Variants in MKLN1 observed in about 807,000 individuals in gnomAD.
MKLN1 encodes the protein muskelin 1.
MKLN1 carries 18 observed loss-of-function variants against 99.0 expected under a neutral mutation model. That is an observed-to-expected ratio of 0.18 (90% CI 0.13 to 0.27). The LOEUF (loss-of-function observed/expected upper bound fraction) is 0.27, where lower values mean the gene tolerates loss of function less well. Ranked by LOEUF, MKLN1 falls within the 10% of genes least tolerant of loss-of-function variation. The pLI, the probability that MKLN1 is intolerant of heterozygous loss-of-function variation, is 1.00. For missense variants in MKLN1, 621 were observed against 875.9 expected (o/e 0.71, Z 3.67); for synonymous variants, 288 against 293.2 (o/e 0.98, Z 0.18).
chr7:131,468,172 A>G (rs748322817), intron 15 of MKLN1, among the ~76,000 whole-genome samples: 1 of 152,222 alleles, frequency 6.6e-6, no homozygotes, highest in African/African-American at 2.4e-5. Flanking sequence ...GATGGATTTG[A>G]TATGGGTATG....
At chr7:131,387,367 G>GC in intron 3 of MKLN1, 105 bp downstream of exon 3, 1 of 1,073,758 alleles carries the variant, frequency 9.3e-7, no homozygotes, top group Non-Finnish European at 1.3e-6. Context: ...AAGGAGAAAA[G>GC]AGTATTCCTT....
At chr7:131,429,177 T>G (rs1343130092) in intron 9 of MKLN1, 32 bp downstream of exon 9, 1 of 1,438,950 alleles carries the variant, frequency 6.9e-7, no homozygotes, top group Non-Finnish European at 9.8e-7. Context: ...ACATCTATAT[T>G]ACAGAAGGGG....
chr7:131,272,573 G>A (rs1440280129), intron 3 of MKLN1, among the ~76,000 whole-genome samples: 2 of 152,146 alleles, frequency 1.3e-5, no homozygotes, highest in South Asian at 4.1e-4. Flanking sequence ...GATCACTGGA[G>A]TAGCAGTGTA....
intron 12 of MKLN1, among the ~76,000 whole-genome samples, chr7:131,452,702 C>T (rs1442602250): frequency 6.6e-6 from 1 of 152,000 alleles, no homozygotes; most frequent in Non-Finnish European, 1.5e-5. Context: ...AGGCATGCGC[C>T]ACTACGCCCA....
At chr7:131,259,203 G>A (rs983593728) in intron 3 of MKLN1, among the ~76,000 whole-genome samples, 5 of 152,072 alleles carry the variant, frequency 3.3e-5, no homozygotes, top group Non-Finnish European at 7.3e-5. Flanking sequence ...CCATTAGAAA[G>A]TCTGGCCTTC....
chr7:131,375,820 A>ATATT (rs1793628970), intron 2 of MKLN1, among the ~76,000 whole-genome samples: 3 of 150,728 alleles, frequency 2.0e-5, no homozygotes, highest in Admixed American at 2.0e-4. Context: ...AATAAACTTA[A>ATATT]ATAGTTTATT....
chr7:131,236,951 T>C (rs1797331039), intron 3 of MKLN1, among the ~76,000 whole-genome samples: 2 of 152,044 alleles, frequency 1.3e-5, no homozygotes, highest in Non-Finnish European at 2.9e-5. Context: ...TGCACACCAT[T>C]GCACTCTAGC....
At chr7:131,184,618 G>C (rs549065834) in intron 2 of MKLN1, among the ~76,000 whole-genome samples, 2 of 152,064 alleles carry the variant, frequency 1.3e-5, no homozygotes, top group South Asian at 2.1e-4. Flanking sequence ...TCCGCCTCCC[G>C]GGTTCAAGCA....
chr7:131,244,034 A>T (rs924132841), intron 3 of MKLN1, among the ~76,000 whole-genome samples: 1 of 152,056 alleles, frequency 6.6e-6, no homozygotes, highest in Non-Finnish European at 1.5e-5. Flanking sequence ...CAAACAAAAA[A>T]TATGGTTGGA....
chr7:131,308,192 C>A (rs1798497033), intron 3 of MKLN1, among the ~76,000 whole-genome samples: 4 of 152,192 alleles, frequency 2.6e-5, no homozygotes, highest in Admixed American at 2.6e-4. Flanking sequence ...TTTTCTGAGG[C>A]CTCCCCAGCC....
chr7:131,327,565 T>G (rs1428151193), upstream of MKLN1: 1 of 262,270 alleles, frequency 3.8e-6, no homozygotes, highest in African/African-American at 2.3e-5. Flanking sequence ...CCCTTCCTGC[T>G]CCATAACTAC....
At chr7:131,451,720 A>G (rs1796184096) in intron 12 of MKLN1, among the ~76,000 whole-genome samples, 1 of 152,224 alleles carries the variant, frequency 6.6e-6, no homozygotes, top group Non-Finnish European at 1.5e-5. Flanking sequence ...AAAATTCAGC[A>G]TATCTAAAAC....
At chr7:131,474,771 G>A (rs1796921262) in intron 16 of MKLN1, among the ~76,000 whole-genome samples, 1 of 152,180 alleles carries the variant, frequency 6.6e-6, no homozygotes, top group Admixed American at 6.5e-5. Context: ...GTATTAGCCT[G>A]TTCTCACACT....
At chr7:131,210,852 T>A (rs977367203) in intron 3 of MKLN1, among the ~76,000 whole-genome samples, 3 of 146,766 alleles carry the variant, frequency 2.0e-5, no homozygotes, top group African/African-American at 7.6e-5. Context: ...CATATAAGAC[T>A]GACTTCCCTA....
chr7:131,285,801 G>GT (rs1166985471), intron 3 of MKLN1, among the ~76,000 whole-genome samples: 3 of 151,956 alleles, frequency 2.0e-5, no homozygotes, highest in Non-Finnish European at 4.4e-5. Flanking sequence ...TTGATTGTGA[G>GT]TTTTTTTGGT....
At chr7:131,252,286 A>C (rs1188085371) in intron 3 of MKLN1, among the ~76,000 whole-genome samples, 1 of 149,362 alleles carries the variant, frequency 6.7e-6, no homozygotes, top group African/African-American at 2.5e-5. Context: ...TGTAAACCAC[A>C]TGCATTGTTT....
At chr7:131,121,762 C>A (rs1795376594) in intron 1 of MKLN1, among the ~76,000 whole-genome samples, 1 of 151,752 alleles carries the variant, frequency 6.6e-6, no homozygotes, top group Admixed American at 6.6e-5. Context: ...GTGCAGATGT[C>A]CCCTGCAGAG....
intron 3 of MKLN1, among the ~76,000 whole-genome samples, chr7:131,315,895 G>A (rs1798659608): frequency 6.6e-6 from 1 of 152,212 alleles, no homozygotes; most frequent in Admixed American, 6.5e-5. Context: ...AACAGCCCCA[G>A]TCAGGGGCTT....
At chr7:131,324,579 G>C (rs560270402), upstream of MKLN1, among the ~76,000 whole-genome samples, 6 of 152,310 alleles carry the variant, frequency 3.9e-5, no homozygotes, top group Non-Finnish European at 5.9e-5. Context: ...GGAAAGATGA[G>C]GCAGTGCCTG....
Sources: gnomAD v4.1 joint callset for allele counts (sites outside exome capture counted in the v4.1 genomes callset) on GRCh38, gnomAD v4.1.1 for gene constraint, MANE v1.5 for transcripts, NCBI Gene and HGNC (gene_info 2026-07-23, HGNC 2026-07-21) for gene names.